MEGF11: variants seen among roughly 807,000 people sequenced by gnomAD.
MEGF11 encodes the protein multiple EGF like domains 11.
A neutral mutation model predicts 146.6 loss-of-function variants in MEGF11; 126 were observed. That is an observed-to-expected ratio of 0.86 (90% CI 0.74 to 1.00). The LOEUF (loss-of-function observed/expected upper bound fraction) is 1.00. MEGF11 is among the 50% of genes least tolerant of loss of function. The pLI is 0.00. For synonymous variants in MEGF11, 532 were observed against 583.4 expected, an observed-to-expected ratio of 0.91 and a Z score of 1.27; for missense variants, 1,509 against 1,521.2, an observed-to-expected ratio of 0.99 and a Z score of 0.13.
At chr15:66,179,017 C>T (rs2090468560) in intron 1 of MEGF11, among the ~76,000 whole-genome samples, 1 of 152,200 alleles carries the variant, frequency 6.6e-6, no homozygotes, top group African/African-American at 2.4e-5. Context: ...TAGCCAGTGT[C>T]TACTGCTGCT....
chr15:66,165,880 T>C (rs1159472882), intron 1 of MEGF11, among the ~76,000 whole-genome samples: 2 of 152,148 alleles, frequency 1.3e-5, no homozygotes, highest in African/African-American at 4.8e-5. Flanking sequence ...GGTGGACTCC[T>C]GCACCCAGGA....
chr15:66,175,391 G>A (rs1198651211), intron 1 of MEGF11, among the ~76,000 whole-genome samples: 1 of 152,132 alleles, frequency 6.6e-6, no homozygotes, highest in Non-Finnish European at 1.5e-5. Flanking sequence ...AGACAAAGCT[G>A]GGGGCACCAC....
At chr15:66,172,995 T>A (rs1454821860) in intron 1 of MEGF11, among the ~76,000 whole-genome samples, 2 of 151,822 alleles carry the variant, frequency 1.3e-5, no homozygotes, top group Non-Finnish European at 2.9e-5. Flanking sequence ...GGGAGGGGAG[T>A]GTTCAAGGTG....
intron 1 of MEGF11, among the ~76,000 whole-genome samples, chr15:66,171,481 C>T (rs2090254626): frequency 6.6e-6 from 1 of 152,090 alleles, no homozygotes; most frequent in South Asian, 2.1e-4. Context: ...GGTCCCTCAC[C>T]CTACATGGGG....
chr15:66,039,355 G>A (rs1173241635), intron 5 of MEGF11, among the ~76,000 whole-genome samples: 2 of 152,242 alleles, frequency 1.3e-5, no homozygotes, highest in East Asian at 1.9e-4. Flanking sequence ...GAGGAGGGGA[G>A]TTCAGTGATT....
intron 1 of MEGF11, among the ~76,000 whole-genome samples, chr15:66,141,289 T>TGTGTGAGA (rs1555475806): frequency 1.5e-4 from 15 of 101,252 alleles, no homozygotes; most frequent in Admixed American, 3.3e-4. Flanking sequence ...TGTGTGTGTG[T>TGTGTGAGA]GAGAGAGAGA....
At chr15:65,939,153 T>C (rs924990617) in intron 10 of MEGF11, among the ~76,000 whole-genome samples, 1 of 152,194 alleles carries the variant, frequency 6.6e-6, no homozygotes, top group Non-Finnish European at 1.5e-5. Flanking sequence ...CTGAGTTCTC[T>C]AGATACAGGC....
chr15:66,082,680 A>AAAAAAAAAAAG (rs2085941333), intron 5 of MEGF11, among the ~76,000 whole-genome samples: 1 of 144,930 alleles, frequency 6.9e-6, no homozygotes, highest in Non-Finnish European at 1.5e-5. Context: ...CTCAAAAAAA[A>AAAAAAAAAAAG]AAAAAAAAAA....
At chr15:66,105,862 TC>T (rs1307240882) in intron 4 of MEGF11, among the ~76,000 whole-genome samples, 1 of 152,190 alleles carries the variant, frequency 6.6e-6, no homozygotes, top group Non-Finnish European at 1.5e-5. Context: ...AAGGCTATAG[TC>T]CCTGCACCTG....
intron 5 of MEGF11, among the ~76,000 whole-genome samples, chr15:66,046,399 T>C (rs142949256): frequency 0.011 from 1,656 of 152,294 alleles, 35 homozygotes; most frequent in African/African-American, 0.038. Context: ...GAAGTGTAGG[T>C]ACCCAGGCTG....
chr15:66,111,808 G>A (rs2087426845), intron 4 of MEGF11, among the ~76,000 whole-genome samples: 1 of 152,172 alleles, frequency 6.6e-6, no homozygotes, highest in African/African-American at 2.4e-5. Flanking sequence ...AGATAGAGGT[G>A]ATATTTGCAC....
intron 1 of MEGF11, among the ~76,000 whole-genome samples, chr15:66,182,457 C>T (rs2090575796): frequency 6.6e-6 from 1 of 152,162 alleles, no homozygotes; most frequent in South Asian, 2.1e-4. Context: ...TAAATGATCA[C>T]ACAGGAGTAA....
intron 10 of MEGF11, among the ~76,000 whole-genome samples, chr15:65,953,477 C>G (rs1241805562): frequency 6.6e-6 from 1 of 152,218 alleles, no homozygotes; most frequent in Non-Finnish European, 1.5e-5. Context: ...AACTCCAGCT[C>G]CTCATCTGCA....
chr15:65,960,566 G>GTCACGGTTGT (rs1293974182), intron 9 of MEGF11, among the ~76,000 whole-genome samples: 1 of 152,252 alleles, frequency 6.6e-6, no homozygotes, highest in Admixed American at 6.5e-5. Context: ...GACTGGCTCA[G>GTCACGGTTGT]TCACGGTTGT....
At chr15:66,172,323 C>T (rs948402761) in intron 1 of MEGF11, among the ~76,000 whole-genome samples, 5 of 152,220 alleles carry the variant, frequency 3.3e-5, no homozygotes, top group South Asian at 4.1e-4. Flanking sequence ...TCCATTGCCT[C>T]GTGGGCTGGG....
chr15:66,208,011 G>A (rs1191940718), intron 1 of MEGF11, among the ~76,000 whole-genome samples: 2 of 152,026 alleles, frequency 1.3e-5, no homozygotes, highest in African/African-American at 4.8e-5. Context: ...CTTGAACCTG[G>A]GAGGTGGAGG....
chr15:66,026,841 C>A (rs181731199), intron 5 of MEGF11, among the ~76,000 whole-genome samples: 14 of 150,860 alleles, frequency 9.3e-5, no homozygotes, highest in Admixed American at 9.2e-4. Context: ...TACTTATCAA[C>A]TGTGGCCTCA....
At chr15:66,119,220 T>C (rs1057337417) in intron 3 of MEGF11, 34 bp from the exon 4 acceptor site, 1 of 1,423,568 alleles carries the variant, frequency 7.0e-7, no homozygotes, top group Non-Finnish European at 9.7e-7. Context: ...CTTGAAAGTA[T>C]TGAAAATCAA....
intron 4 of MEGF11, among the ~76,000 whole-genome samples, chr15:66,095,061 A>T (rs1360372318): frequency 6.6e-6 from 1 of 152,222 alleles, no homozygotes; most frequent in Non-Finnish European, 1.5e-5. Flanking sequence ...ACAGCTAATT[A>T]TAAGAAAGTA....
Sources: allele counts gnomAD v4.1 joint callset (sites outside exome capture counted in the v4.1 genomes callset), GRCh38; gene constraint gnomAD v4.1.1; transcripts MANE v1.5; gene names NCBI Gene and HGNC (gene_info 2026-07-23, HGNC 2026-07-21).